Variants in BIRC6 observed in about 807,000 individuals in gnomAD.
BIRC6 encodes dual E2 ubiquitin-conjugating enzyme/E3 ubiquitin-protein ligase BIRC6.
BIRC6 carries 98 observed loss-of-function variants against 503.3 expected under a neutral mutation model. The observed-to-expected ratio is 0.19, with a 90% confidence interval of 0.17 to 0.23. BIRC6 has a LOEUF of 0.23. Among genes scored for constraint, BIRC6 ranks in the 10% least tolerant of loss-of-function variants. The pLI is 1.00. For synonymous variants in BIRC6, 2,240 were observed against 2,078.7 expected (o/e 1.08, Z -2.11); for missense variants, 5,360 against 5,806.0 (o/e 0.92, Z 2.50).
intron 33 of BIRC6, among the ~76,000 whole-genome samples, chr2:32,473,744 TG>T (rs2049372152): frequency 1.4e-4 from 20 of 139,326 alleles, no homozygotes; most frequent in Non-Finnish European, 2.3e-4. Flanking sequence ...TGTGTGTGTG[TG>T]TGTGTATTTT....
intron 64 of BIRC6, chr2:32,548,526 T>A (rs2710621): frequency 1 from 151,937 of 151,960 alleles, 75,957 homozygotes; most frequent in Middle Eastern, 1. Context: ...TCATGCCTGT[T>A]ATCCCAGCAC....
At chr2:32,603,524 G>A (rs1418499819) in intron 71 of BIRC6, among the ~76,000 whole-genome samples, 1 of 152,082 alleles carries the variant, frequency 6.6e-6, no homozygotes, top group Non-Finnish European at 1.5e-5. Flanking sequence ...AGACCAGCTT[G>A]GCCAACGTGG....
At chr2:32,566,925 T>A (rs1362069334) in intron 65 of BIRC6, among the ~76,000 whole-genome samples, 1 of 152,208 alleles carries the variant, frequency 6.6e-6, no homozygotes, top group Non-Finnish European at 1.5e-5. Flanking sequence ...ATTTTCCAAA[T>A]AGAGAATCAG....
intron 50 of BIRC6, among the ~76,000 whole-genome samples, chr2:32,506,932 G>T (rs188824957): frequency 3.9e-5 from 6 of 152,202 alleles, no homozygotes; most frequent in Non-Finnish European, 8.8e-5. Context: ...CTAGTAATCA[G>T]TGTAAAGCTG....
At chr2:32,617,169 C>T (rs1030206448) in intron 73 of BIRC6, among the ~76,000 whole-genome samples, 4 of 152,084 alleles carry the variant, frequency 2.6e-5, no homozygotes, top group Non-Finnish European at 5.9e-5. Flanking sequence ...TTTGGGAGGC[C>T]GAGGCAGGTG....
intron 34 of BIRC6, among the ~76,000 whole-genome samples, chr2:32,476,776 T>C (rs2049813284): frequency 6.6e-6 from 1 of 152,232 alleles, no homozygotes; most frequent in Non-Finnish European, 1.5e-5. Flanking sequence ...TGGCTGAGTT[T>C]AGAATTGAAA....
At chr2:32,564,945 G>C (rs892468996) in intron 65 of BIRC6, 5 of 152,290 alleles carry the variant, frequency 3.3e-5, no homozygotes, top group African/African-American at 1.2e-4. Context: ...GAAAGGAGCA[G>C]CATCTTGATT....
chr2:32,390,199 C>A (rs989034660), intron 4 of BIRC6, among the ~76,000 whole-genome samples: 13 of 144,756 alleles, frequency 9.0e-5, no homozygotes, highest in African/African-American at 3.4e-4. Flanking sequence ...GAGATGGAGT[C>A]TCGCTCTGTT....
chr2:32,377,906 A>C, intron 2 of BIRC6, 137 bp downstream of exon 2: 2 of 725,268 alleles, frequency 2.8e-6, no homozygotes, highest in South Asian at 2.4e-5. Flanking sequence ...ATTGACCACA[A>C]CTTCATTTAA....
At chr2:32,579,008 TACCTA>T (rs372906703) in intron 66 of BIRC6, among the ~76,000 whole-genome samples, 3 of 57,474 alleles carry the variant, frequency 5.2e-5, no homozygotes, top group Admixed American at 1.8e-4. Context: ...TATATATATA[TACCTA>T]ATATATATAT....
At chr2:32,604,660 A>G (rs559497063) in intron 71 of BIRC6, among the ~76,000 whole-genome samples, 93 of 152,346 alleles carry the variant, frequency 6.1e-4, no homozygotes, top group African/African-American at 2.2e-3. Flanking sequence ...ACAATAAATT[A>G]TAGCCACATT....
chr2:32,418,360 C>T (rs1405880814), intron 10 of BIRC6, among the ~76,000 whole-genome samples: 1 of 152,086 alleles, frequency 6.6e-6, no homozygotes, highest in Admixed American at 6.6e-5. Context: ...TTATTGTCTC[C>T]GTTTTGTACA....
At chr2:32,588,334 A>G (rs1047083914) in intron 66 of BIRC6, among the ~76,000 whole-genome samples, 3 of 152,176 alleles carry the variant, frequency 2.0e-5, no homozygotes, top group Non-Finnish European at 4.4e-5. Flanking sequence ...CAGCCTGGAC[A>G]ACAAGAGTGA....
At position 32,490,082 on chromosome 2, in the gene BIRC6, A is replaced by G. The variant is rs771978792; in HGVS notation, c.8137A>G (p.Asn2713Asp). Reference protein sequence around the residue: ...SFLTVLAWYPNTLLRTWCLVL... With the variant: ...SFLTVLAWYPDTLLRTWCLVL... ...TCTCACAGTGTTAGCTTGGTATCCC[A>G]ATACTTTGCTCCGGACATGGTGCCT... The change falls in exon 43 of 74, where the codon AAT becomes GAT. Residue 2713 changes from asparagine (N) to aspartate (D), a missense_variant. By Grantham distance (23) the Asn-to-Asp change is conservative. This residue lies in a region of BIRC6 where 2,299 missense variants were observed against 2,267.2 expected (regional missense o/e 1.01). Coordinates refer to ENST00000421745, the MANE Select transcript of BIRC6 (RefSeq NM_016252.4). 1 of 1,613,594 alleles carries G rather than the reference A, an allele frequency of 6.2e-7. No homozygotes were observed. The highest frequency in any genetic ancestry group is 8.5e-7 in the Non-Finnish European group (1 of 1,179,538).
At chr2:32,569,273 G>A (rs779838572) in intron 65 of BIRC6, among the ~76,000 whole-genome samples, 14 of 152,192 alleles carry the variant, frequency 9.2e-5, no homozygotes, top group Non-Finnish European at 1.5e-4. Flanking sequence ...ATAGGCGTGA[G>A]CCACCGCACT....
chr2:32,457,555 A>G (rs776643252), intron 23 of BIRC6, among the ~76,000 whole-genome samples: 1 of 152,238 alleles, frequency 6.6e-6, no homozygotes, highest in Non-Finnish European at 1.5e-5. Flanking sequence ...ATAATACATT[A>G]TTAATGCTCA....
At chr2:32,491,382 T>G (rs2051688800) in intron 43 of BIRC6, 43 bp from the exon 44 acceptor site, 4 of 1,527,784 alleles carry the variant, frequency 2.6e-6, no homozygotes, top group African/African-American at 2.8e-5. Flanking sequence ...TTCCATTATT[T>G]CATGGTCCAT....
intron 23 of BIRC6, among the ~76,000 whole-genome samples, chr2:32,460,729 G>C (rs1211802538): frequency 6.6e-6 from 1 of 151,796 alleles, no homozygotes; most frequent in African/African-American, 2.4e-5. Flanking sequence ...TACGTCTTCT[G>C]TTTGCTTGTA....
At chr2:32,513,779 C>T (rs147559758) in intron 54 of BIRC6, among the ~76,000 whole-genome samples, 138 of 152,196 alleles carry the variant, frequency 9.1e-4, no homozygotes, top group Middle Eastern at 6.8e-3. Context: ...CGTGGTGGCG[C>T]GTGTCTGTAA....
Sources: allele counts gnomAD v4.1 joint callset (sites outside exome capture counted in the v4.1 genomes callset), GRCh38; gene constraint gnomAD v4.1.1; regional missense constraint gnomAD v4.1.1; transcripts MANE v1.5; gene names NCBI Gene and HGNC (gene_info 2026-07-23, HGNC 2026-07-21).